The following OPCML variants were observed in gnomAD, a reference collection of about 807,000 sequenced individuals.
The protein encoded by OPCML is opioid binding protein/cell adhesion molecule like, also known as opioid-binding protein/cell adhesion molecule.
Under a neutral mutation model 37.8 loss-of-function variants are expected in OPCML, and 13 were observed. The observed-to-expected ratio is 0.34, with a 90% CI of 0.22 to 0.55. The LOEUF is 0.55. OPCML is among the 20% of genes least tolerant of loss of function. OPCML has a pLI of 0.91. For synonymous variants in OPCML, 176 were observed against 168.8 expected, an observed-to-expected ratio of 1.04 and a Z score of -0.33; for missense variants, 341 against 435.6, an observed-to-expected ratio of 0.78 and a Z score of 1.93.
At chr11:132,959,514 C>T (rs375955240) in intron 1 of OPCML, among the ~76,000 whole-genome samples, 9 of 152,178 alleles carry the variant, frequency 5.9e-5, no homozygotes, top group Admixed American at 1.3e-4. Flanking sequence ...CAAACAGCAT[C>T]GCTTGCTACA....
rs1592275640 is a variant in OPCML, at chr11:133,412,612, G to C, written c.61+119652C>G. Among the ~76,000 whole-genome samples, 3 of 152,272 alleles carry C rather than the reference G, an allele frequency of 2.0e-5. No individual in the cohort carries two copies. In the South Asian group the frequency reaches 6.2e-4, roughly 32 times the overall value. ...AACTTGTCGCATTACCACCAACTCA[G>C]CTGATACAGATGAAAAATAGTACAC... On this transcript the variant is annotated intron_variant, in intron 1 of 7. Coordinates refer to ENST00000524381, the MANE Select transcript of OPCML (RefSeq NM_001012393.5).
chr11:133,417,056 A>T (rs1275171550), intron 1 of OPCML, among the ~76,000 whole-genome samples: 3 of 152,234 alleles, frequency 2.0e-5, no homozygotes, highest in Non-Finnish European at 4.4e-5. Context: ...GTGCCCAGAG[A>T]GAGCAGGGAG....
chr11:132,702,920 C>CT, intron 2 of OPCML, among the ~76,000 whole-genome samples: 1 of 152,074 alleles, frequency 6.6e-6, no homozygotes, highest in East Asian at 1.9e-4. Context: ...TGGCTCTCAT[C>CT]TTTTTGTTAA....
chr11:132,896,662 C>T (rs1011372786), intron 2 of OPCML, among the ~76,000 whole-genome samples: 14 of 152,322 alleles, frequency 9.2e-5, no homozygotes, highest in East Asian at 3.9e-4. Flanking sequence ...ATCCAGTTTG[C>T]GGGAATCTTC....
At chr11:132,759,013 G>A (rs987808449) in intron 2 of OPCML, among the ~76,000 whole-genome samples, 1 of 152,148 alleles carries the variant, frequency 6.6e-6, no homozygotes, top group Non-Finnish European at 1.5e-5. Context: ...AGCATGAAAG[G>A]GGGTTGAATT....
chr11:132,451,844 C>A (rs2096069056), intron 4 of OPCML, among the ~76,000 whole-genome samples: 1 of 152,174 alleles, frequency 6.6e-6, no homozygotes. Context: ...TTATGGGTCT[C>A]AGTAAAAACT....
At chr11:133,188,070 C>T (rs931367471) in intron 1 of OPCML, among the ~76,000 whole-genome samples, 3 of 152,332 alleles carry the variant, frequency 2.0e-5, no homozygotes, top group East Asian at 1.9e-4. Context: ...TACCTAGCTT[C>T]GGACCTCTAA....
intron 1 of OPCML, among the ~76,000 whole-genome samples, chr11:133,237,262 G>A (rs1300089884): frequency 6.6e-6 from 1 of 152,204 alleles, no homozygotes; most frequent in African/African-American, 2.4e-5. Flanking sequence ...CCCAGAATTT[G>A]TACACCCTGG....
intron 2 of OPCML, among the ~76,000 whole-genome samples, chr11:132,746,839 C>G (rs1945651629): frequency 6.6e-6 from 1 of 152,106 alleles, no homozygotes; most frequent in Admixed American, 6.5e-5. Flanking sequence ...AGCTGTCCTT[C>G]AAGGGCAAGA....
At chr11:132,794,538 A>AGCTTTCCT (rs1938174706) in intron 2 of OPCML, among the ~76,000 whole-genome samples, 1 of 152,138 alleles carries the variant, frequency 6.6e-6, no homozygotes. Context: ...GGACCAGGCG[A>AGCTTTCCT]GCTTTCCTGC....
chr11:132,980,253 A>C (rs1199876394), intron 1 of OPCML, among the ~76,000 whole-genome samples: 1 of 152,196 alleles, frequency 6.6e-6, no homozygotes, highest in Non-Finnish European at 1.5e-5. Flanking sequence ...AGAAAGCCAG[A>C]GAGAGATCCT....
At chr11:133,080,925 G>A (rs1419123210) in intron 1 of OPCML, among the ~76,000 whole-genome samples, 3 of 152,114 alleles carry the variant, frequency 2.0e-5, no homozygotes, top group Non-Finnish European at 4.4e-5. Context: ...GGAGTCTAGT[G>A]GGGACACAGG....
intron 3 of OPCML, among the ~76,000 whole-genome samples, chr11:132,640,616 A>T (rs1940794076): frequency 1.3e-5 from 2 of 152,138 alleles, no homozygotes; most frequent in African/African-American, 4.8e-5. Context: ...TGCCTTAGGG[A>T]TAAACATTTC....
rs1939286892 is a variant in OPCML at position 133,210,024 on chromosome 11, G to T, written c.62-267014C>A. Among the ~76,000 whole-genome samples, 7 of 152,182 alleles carry T rather than the reference G, an allele frequency of 4.6e-5. No homozygotes were observed. In the South Asian group the frequency reaches 1.4e-3, roughly 32 times the overall value. On this transcript the variant is annotated intron_variant, in intron 1 of 7. Transcript: ENST00000524381. ...GTGCCTTCCAATTTAATTTAAGTATGCATATTTGCACGCACACACCTCTCC... is the reference window on the plus strand; with the variant it reads ...GTGCCTTCCAATTTAATTTAAGTATTCATATTTGCACGCACACACCTCTCC...
intron 1 of OPCML, among the ~76,000 whole-genome samples, chr11:133,275,725 T>A (rs2136493328): frequency 6.6e-6 from 1 of 152,336 alleles, no homozygotes; most frequent in East Asian, 1.9e-4. Context: ...TATTCACCAC[T>A]GTGTCCCTAG....
chr11:133,288,778 C>G (rs2155534), intron 1 of OPCML, among the ~76,000 whole-genome samples: 1 of 151,914 alleles, frequency 6.6e-6, no homozygotes, highest in Non-Finnish European at 1.5e-5. Context: ...GCTAGAATTG[C>G]GAGAGACCTC....
chr11:133,090,934 T>A (rs1948896101), intron 1 of OPCML, among the ~76,000 whole-genome samples: 1 of 152,204 alleles, frequency 6.6e-6, no homozygotes, highest in Admixed American at 6.5e-5. Flanking sequence ...AATGAAACAA[T>A]GACCCAGAGG....
intron 4 of OPCML, among the ~76,000 whole-genome samples, chr11:132,483,471 C>T (rs1344860496): frequency 2.0e-5 from 3 of 152,092 alleles, no homozygotes; most frequent in Admixed American, 1.3e-4. Flanking sequence ...GAATCAATAT[C>T]ATGAAAATGG....
intron 2 of OPCML, among the ~76,000 whole-genome samples, chr11:132,874,274 A>G (rs890071919): frequency 4.6e-5 from 7 of 152,184 alleles, no homozygotes; most frequent in African/African-American, 7.2e-5. Context: ...TAGAAAATCT[A>G]TCTGAATCTT....
Sources: allele counts gnomAD v4.1 joint callset (sites outside exome capture counted in the v4.1 genomes callset), GRCh38; gene constraint gnomAD v4.1.1; transcripts MANE v1.5; gene names NCBI Gene and HGNC (gene_info 2026-07-23, HGNC 2026-07-21).